The following UST variants were observed in gnomAD, a reference collection of about 807,000 sequenced individuals.
UST encodes the protein uronyl 2-sulfotransferase.
UST carries 21 observed loss-of-function variants against 45.6 expected under a neutral mutation model. The ratio of observed to expected loss-of-function variants is 0.46; its 90% CI spans 0.33 to 0.66. The LOEUF is 0.66. UST is among the 30% of genes least tolerant of loss of function. The pLI is 0.02. For missense variants in UST, 463 were observed against 512.4 expected (o/e 0.90, Z 0.93); for synonymous variants, 215 against 200.6 (o/e 1.07, Z -0.61).
At chr6:148,931,851 A>G (rs909395908) in intron 2 of UST, among the ~76,000 whole-genome samples, 3 of 152,230 alleles carry the variant, frequency 2.0e-5, no homozygotes, top group Admixed American at 2.0e-4. Flanking sequence ...GCCTCTTAGA[A>G]GAGTGGACAG....
chr6:148,951,534 G>A (rs1007459275), intron 3 of UST, among the ~76,000 whole-genome samples: 8 of 152,242 alleles, frequency 5.3e-5, no homozygotes, highest in Middle Eastern at 3.4e-3. Context: ...GAGGTGGCTC[G>A]TTGGTGATTT....
At chr6:148,894,990 G>T (rs1176699844) in intron 2 of UST, among the ~76,000 whole-genome samples, 1 of 151,776 alleles carries the variant, frequency 6.6e-6, no homozygotes, top group African/African-American at 2.4e-5. Context: ...GCTAATTTTT[G>T]TATTTTTAGT....
intron 1 of UST, among the ~76,000 whole-genome samples, chr6:148,806,299 C>T (rs1428610973): frequency 6.6e-6 from 1 of 152,132 alleles, no homozygotes. Flanking sequence ...TGGTCACTAT[C>T]CAAGCTTAGT....
intron 1 of UST, among the ~76,000 whole-genome samples, chr6:148,753,825 C>T (rs1198781092): frequency 1.3e-5 from 2 of 152,170 alleles, no homozygotes; most frequent in African/African-American, 4.8e-5. Context: ...TTCTTCACAT[C>T]CTCACTGCCA....
chr6:149,070,916 T>C (rs947688382), intron 7 of UST, among the ~76,000 whole-genome samples: 10 of 152,228 alleles, frequency 6.6e-5, no homozygotes, highest in African/African-American at 2.4e-4. Context: ...TACAGGTGCA[T>C]GCCACCACGC....
chr6:149,029,900 G>A (rs1776113859), intron 7 of UST, among the ~76,000 whole-genome samples: 1 of 151,346 alleles, frequency 6.6e-6, no homozygotes, highest in South Asian at 2.1e-4. Context: ...GTGTGTGTGT[G>A]TGTGTGTGTG....
chr6:149,029,529 C>G (rs1023473531), intron 7 of UST, among the ~76,000 whole-genome samples: 1 of 147,464 alleles, frequency 6.8e-6, no homozygotes, highest in Non-Finnish European at 1.5e-5. Context: ...CTAACTCTGG[C>G]TTTAGTTTTA....
At chr6:148,889,279 T>C (rs911026333) in intron 2 of UST, among the ~76,000 whole-genome samples, 1 of 152,268 alleles carries the variant, frequency 6.6e-6, no homozygotes, top group Admixed American at 6.5e-5. Flanking sequence ...AACCATTTCC[T>C]TAGACATTTT....
chr6:148,927,423 T>A (rs892070590), intron 2 of UST, among the ~76,000 whole-genome samples: 8 of 151,920 alleles, frequency 5.3e-5, no homozygotes, highest in African/African-American at 1.9e-4. Context: ...TAAATGGTAA[T>A]GTCGTTCTCA....
intron 1 of UST, among the ~76,000 whole-genome samples, chr6:148,755,329 G>C (rs1228368050): frequency 1.3e-5 from 2 of 152,036 alleles, no homozygotes; most frequent in African/African-American, 4.8e-5. Context: ...AATAACTTAT[G>C]AGTTTTAAGA....
intron 7 of UST, among the ~76,000 whole-genome samples, chr6:149,058,533 A>G (rs1215664927): frequency 6.6e-6 from 1 of 152,182 alleles, no homozygotes; most frequent in Non-Finnish European, 1.5e-5. Context: ...TCAGATACCA[A>G]AAGAATTTAG....
At chr6:148,771,668 A>G (rs1396615679) in intron 1 of UST, among the ~76,000 whole-genome samples, 2 of 152,226 alleles carry the variant, frequency 1.3e-5, no homozygotes, top group Admixed American at 6.5e-5. Context: ...GATGAAGAAG[A>G]AAACAGCTCT....
At chr6:148,778,315 G>A (rs903309475) in intron 1 of UST, among the ~76,000 whole-genome samples, 41 of 151,792 alleles carry the variant, frequency 2.7e-4, no homozygotes, top group Non-Finnish European at 5.0e-4. Context: ...TTTTAAACAA[G>A]AATTTCAGAA....
At position 149,075,580 on chromosome 6, in the gene UST, C is replaced by T. The variant is rs1055915501; in HGVS notation, c.*1464C>T. 1 of 152,216 alleles carries T rather than the reference C, an allele frequency of 6.6e-6. No homozygotes were observed. The highest frequency in any genetic ancestry group is 2.4e-5 in the African/African-American group (1 of 41,428). 9.4% of individuals were successfully genotyped at this position (152,216 alleles called of 1,614,324 possible). On this transcript the variant is annotated 3_prime_UTR_variant, in exon 8 of 8. Transcript: ENST00000367463. ...TCTTTCCACCTCCCACTGCCCCTCC[C>T]CTGCCACCTATCAATGATGCCTTGG...
chr6:148,860,933 T>A (rs1161700686), intron 1 of UST, among the ~76,000 whole-genome samples: 1 of 152,242 alleles, frequency 6.6e-6, no homozygotes, highest in East Asian at 1.9e-4. Flanking sequence ...TTGATGTTCA[T>A]CAGGGATATT....
chr6:148,815,426 G>A lies in UST; in HGVS notation c.247+67749G>A, dbSNP rs1376868699. Reference sequence around the variant, plus strand: ...AATAAGGCCTGGGGAATTGAAGCTTGGGGTGGAGGTGACAAGTGAACCCCA... The same window carrying A: ...AATAAGGCCTGGGGAATTGAAGCTTAGGGTGGAGGTGACAAGTGAACCCCA... On this transcript the variant is annotated intron_variant, in intron 1 of 7. Transcript: ENST00000367463. Among the ~76,000 whole-genome samples the A allele has an allele frequency of 9.2e-5, 14 of 152,266 alleles. No individual in the cohort carries two copies. In the East Asian group the frequency reaches 2.7e-3, roughly 29 times the overall value.
At chr6:148,841,943 T>C (rs1372109594) in intron 1 of UST, among the ~76,000 whole-genome samples, 2 of 152,172 alleles carry the variant, frequency 1.3e-5, no homozygotes, top group Non-Finnish European at 2.9e-5. Flanking sequence ...CCATCTCTCC[T>C]AGAAATACAA....
intron 1 of UST, among the ~76,000 whole-genome samples, chr6:148,820,498 C>T (rs1403585786): frequency 6.6e-6 from 1 of 152,110 alleles, no homozygotes; most frequent in Non-Finnish European, 1.5e-5. Flanking sequence ...CCATCAAAAT[C>T]AGGATATTAA....
intron 7 of UST, among the ~76,000 whole-genome samples, chr6:149,041,211 T>C (rs940024603): frequency 5.3e-5 from 8 of 152,334 alleles, no homozygotes; most frequent in African/African-American, 1.9e-4. Flanking sequence ...ATCTCTGTGC[T>C]GACTTCCTCC....
Sources: allele counts gnomAD v4.1 joint callset (sites outside exome capture counted in the v4.1 genomes callset), GRCh38; gene constraint gnomAD v4.1.1; transcripts MANE v1.5; gene names NCBI Gene and HGNC (gene_info 2026-07-23, HGNC 2026-07-21).